The following PPP2R5E variants were observed in gnomAD, a reference collection of about 807,000 sequenced individuals.
PPP2R5E encodes the protein protein phosphatase 2 regulatory subunit B'epsilon.
A neutral mutation model predicts 65.3 loss-of-function variants in PPP2R5E; 4 were observed. The ratio of observed to expected loss-of-function variants is 0.06; its 90% CI spans 0.03 to 0.14. The LOEUF (loss-of-function observed/expected upper bound fraction) is 0.14. PPP2R5E is among the 10% of genes least tolerant of loss of function. The pLI, the probability that PPP2R5E is intolerant of heterozygous loss-of-function variation, is 1.00. For synonymous variants in PPP2R5E, 183 were observed against 187.4 expected (o/e 0.98, Z 0.19); for missense variants, 274 against 556.1 (o/e 0.49, Z 5.10).
chr14:63,502,936 T>G (rs1057369550), intron 2 of PPP2R5E, among the ~76,000 whole-genome samples: 6 of 152,140 alleles, frequency 3.9e-5, no homozygotes, highest in African/African-American at 1.4e-4. Flanking sequence ...GAGACCAGCC[T>G]GGGCAACATA....
intron 2 of PPP2R5E, among the ~76,000 whole-genome samples, chr14:63,486,293 TAC>T (rs374427574): frequency 0.049 from 6,206 of 127,616 alleles, 152 homozygotes; most frequent in Middle Eastern, 0.056. Context: ...CTTTCCCCAT[TAC>T]ACACACACAC....
intron 2 of PPP2R5E, among the ~76,000 whole-genome samples, chr14:63,522,767 G>A (rs1279686596): frequency 6.6e-6 from 1 of 151,576 alleles, no homozygotes; most frequent in Non-Finnish European, 1.5e-5. Context: ...CGTCTGAGAA[G>A]TGAGGAGCGT....
chr14:63,408,833 G>A (rs1441739803), intron 5 of PPP2R5E, among the ~76,000 whole-genome samples: 2 of 152,118 alleles, frequency 1.3e-5, no homozygotes, highest in Non-Finnish European at 2.9e-5. Context: ...ACAGTGACTC[G>A]CCTGTATTGC....
At chr14:63,474,547 C>T (rs991254001) in intron 2 of PPP2R5E, among the ~76,000 whole-genome samples, 2 of 151,282 alleles carry the variant, frequency 1.3e-5, no homozygotes, top group Non-Finnish European at 2.9e-5. Context: ...GTGGTGTGCT[C>T]CTATAATCCC....
chr14:63,525,426 T>A (rs1330722451), intron 2 of PPP2R5E, among the ~76,000 whole-genome samples: 2 of 152,176 alleles, frequency 1.3e-5, no homozygotes, highest in Non-Finnish European at 2.9e-5. Flanking sequence ...CTATTTGGTA[T>A]CAAAAAGAAT....
intron 2 of PPP2R5E, among the ~76,000 whole-genome samples, chr14:63,531,956 A>AACACACACAC (rs150782373): frequency 1.3e-4 from 19 of 150,990 alleles, no homozygotes; most frequent in African/African-American, 3.9e-4. Flanking sequence ...TCCATCTCAA[A>AACACACACAC]ACACACACAC....
intron 3 of PPP2R5E, among the ~76,000 whole-genome samples, chr14:63,446,418 A>C (rs990885404): frequency 6.6e-6 from 1 of 152,202 alleles, no homozygotes; most frequent in Non-Finnish European, 1.5e-5. Context: ...CATCAGAGGA[A>C]TTACTATCTA....
chr14:63,505,274 G>A (rs1892104560), intron 2 of PPP2R5E, among the ~76,000 whole-genome samples: 1 of 152,128 alleles, frequency 6.6e-6, no homozygotes, highest in Non-Finnish European at 1.5e-5. Context: ...AGGAAAGAGT[G>A]AGACTCTGTC....
intron 3 of PPP2R5E, 35 bp from the exon 4 acceptor site, chr14:63,422,129 C>T: frequency 3.3e-6 from 5 of 1,534,482 alleles, no homozygotes; most frequent in Non-Finnish European, 4.5e-6. Flanking sequence ...TAACGGGAAG[C>T]ACCTTCTGCA....
At chr14:63,515,738 C>G (rs985176535) in intron 2 of PPP2R5E, among the ~76,000 whole-genome samples, 3 of 151,650 alleles carry the variant, frequency 2.0e-5, no homozygotes, top group African/African-American at 4.9e-5. Context: ...CCAGGCTGGT[C>G]TCGAACTCCT....
chr14:63,532,533 T>A (rs145409530), intron 2 of PPP2R5E, among the ~76,000 whole-genome samples: 42 of 152,346 alleles, frequency 2.8e-4, no homozygotes, highest in African/African-American at 1.0e-3. Context: ...ATTTCCAATT[T>A]CCACCTTTTT....
intron 2 of PPP2R5E, among the ~76,000 whole-genome samples, chr14:63,501,640 G>A (rs2139669426): frequency 6.6e-6 from 1 of 152,258 alleles, no homozygotes; most frequent in Middle Eastern, 3.4e-3. Context: ...AGATTGTGGT[G>A]ATGGTTATAC....
intron 13 of PPP2R5E, among the ~76,000 whole-genome samples, chr14:63,378,233 G>C (rs1415627794): frequency 6.6e-6 from 1 of 152,168 alleles, no homozygotes; most frequent in African/African-American, 2.4e-5. Flanking sequence ...TGGTAAGCAA[G>C]GGCTTGGAAT....
intron 1 of PPP2R5E, among the ~76,000 whole-genome samples, chr14:63,540,722 C>CA (rs554898958): frequency 0.069 from 6,311 of 91,576 alleles, 437 homozygotes; most frequent in African/African-American, 0.2. Flanking sequence ...AACTCCTTCT[C>CA]AAAAAAAAAA....
At chr14:63,503,152 A>T (rs1014926397) in intron 2 of PPP2R5E, among the ~76,000 whole-genome samples, 2 of 150,036 alleles carry the variant, frequency 1.3e-5, no homozygotes, top group African/African-American at 4.9e-5. Flanking sequence ...AAAGTTAGCC[A>T]TTTTTTTTTT....
At chr14:63,461,120 GTTC>G (rs1047514636) in intron 2 of PPP2R5E, among the ~76,000 whole-genome samples, 2 of 152,096 alleles carry the variant, frequency 1.3e-5, no homozygotes, top group African/African-American at 4.8e-5. Context: ...GCCACCAAAG[GTTC>G]TGACAAAGTC....
chr14:63,518,599 C>T (rs974512766), intron 2 of PPP2R5E, among the ~76,000 whole-genome samples: 5 of 152,078 alleles, frequency 3.3e-5, no homozygotes, highest in Non-Finnish European at 7.4e-5. Flanking sequence ...TTGTATATTT[C>T]ATTTTTATGG....
intron 2 of PPP2R5E, among the ~76,000 whole-genome samples, chr14:63,469,430 C>T (rs1594909649): frequency 6.6e-6 from 1 of 152,300 alleles, no homozygotes. Context: ...CGGTGGCTCA[C>T]GCCTGTAATC....
intron 2 of PPP2R5E, among the ~76,000 whole-genome samples, chr14:63,507,920 A>C (rs924277119): frequency 6.6e-6 from 1 of 152,310 alleles, no homozygotes; most frequent in Admixed American, 6.5e-5. Flanking sequence ...ACTTGATTAG[A>C]TAAGTTTGAG....
Sources: gnomAD v4.1 joint callset for allele counts (sites outside exome capture counted in the v4.1 genomes callset) on GRCh38, gnomAD v4.1.1 for gene constraint, MANE v1.5 for transcripts, NCBI Gene and HGNC (gene_info 2026-07-23, HGNC 2026-07-21) for gene names.